Variants in NLRP5 observed in about 807,000 individuals in gnomAD.
NLRP5 encodes NACHT, LRR and PYD domains-containing protein 5.
NLRP5 carries 93 observed loss-of-function variants against 113.1 expected under a neutral mutation model. The ratio of observed to expected loss-of-function variants is 0.82; its 90% CI spans 0.70 to 0.98. The LOEUF is 0.98. NLRP5 is among the 50% of genes least tolerant of loss of function. NLRP5 has a pLI of 0.00. For synonymous variants in NLRP5, 751 were observed against 600.7 expected, an observed-to-expected ratio of 1.25 and a Z score of -3.66; for missense variants, 1,808 against 1,514.3, an observed-to-expected ratio of 1.19 and a Z score of -3.22.
rs369054920 is a variant in NLRP5, at chr19:56,027,451, C to T, written c.1218C>T (p.Ile406=). Residue 406 remains isoleucine, a synonymous_variant, in exon 7 of 15, where the codon ATC becomes ATT. Transcript: ENST00000390649. Reference sequence around the variant, plus strand: ...TCCTGCTCCCTGAGTCCTTCCTGATCGTCACCGTCAGAGACGTGGGCACAG... The same window carrying T: ...TCCTGCTCCCTGAGTCCTTCCTGATTGTCACCGTCAGAGACGTGGGCACAG... 16 of 1,613,528 alleles carry T rather than the reference C, an allele frequency of 9.9e-6. No individual in the cohort carries two copies. The East Asian group carries it at 2.0e-4, about 20-fold the overall frequency.
At chr19:56,024,584 T>TACAG (rs1555766951) in intron 6 of NLRP5, among the ~76,000 whole-genome samples, 1 of 147,242 alleles carries the variant, frequency 6.8e-6, no homozygotes, top group Non-Finnish European at 1.5e-5. Context: ...TATATATACA[T>TACAG]ACACACACAC....
Position 55,999,902 on chromosome 19 carries a change from C to T in NLRP5, c.62+115C>T, listed in dbSNP as rs527516781. Reference sequence around the variant, plus strand: ...GTCTGCTGCAATGTTATTAGCAATCCGTTGCAGCAGAACACTCCCCGGGGT... The same window carrying T: ...GTCTGCTGCAATGTTATTAGCAATCTGTTGCAGCAGAACACTCCCCGGGGT... On this transcript the variant is annotated intron_variant, in intron 1 of 14. Transcript: ENST00000390649. The T allele has an allele frequency of 2.6e-4, 203 of 780,446 alleles. 1 individual carries two copies. The African/African-American group carries it at 2.8e-3, about 11-fold the overall frequency. 48.3% of individuals were successfully genotyped at this position (780,446 alleles called of 1,614,324 possible). A position where few individuals can be genotyped will look rare whatever the true frequency, so the allele number is the denominator to read the frequency against.
the NLRP5 span, among the ~76,000 whole-genome samples, chr19:55,990,595 G>C: frequency 6.6e-6 from 1 of 152,052 alleles, no homozygotes; most frequent in Admixed American, 6.6e-5. Context: ...GGGAGGCCCA[G>C]GCGGGTGGAT....
chr19:56,020,473 A>T (rs1037188974), intron 6 of NLRP5, 42 bp downstream of exon 6: 7 of 1,588,894 alleles, frequency 4.4e-6, no homozygotes, highest in Middle Eastern at 1.7e-4. Flanking sequence ...CTCCTGGAAG[A>T]AAGTTGGGTG....
chr19:56,010,751 A>AAAAAAAAAAAAAAAAAAAAAAAAAAAT (rs1438489823), intron 3 of NLRP5, among the ~76,000 whole-genome samples: 1 of 118,174 alleles, frequency 8.5e-6, no homozygotes, highest in Non-Finnish European at 1.9e-5. Context: ...TCAAAAAAAA[A>AAAAAAAAAAAAAAAAAAAAAAAAAAAT]AAAAGTCCCT....
intron 3 of NLRP5, among the ~76,000 whole-genome samples, chr19:56,013,708 G>A (rs1302596588): frequency 6.7e-6 from 1 of 150,184 alleles, no homozygotes; most frequent in East Asian, 2.0e-4. Flanking sequence ...AGGAGTGGAA[G>A]TGGTGGGTCA....
chr19:56,013,596 G>GTTTTT (rs71183002), intron 3 of NLRP5, among the ~76,000 whole-genome samples: 2,399 of 59,012 alleles, frequency 0.041, 358 homozygotes, highest in East Asian at 0.091. Flanking sequence ...GGACATTTGG[G>GTTTTT]TTTTTTTTTT....
At position 56,059,363 on chromosome 19, in the gene NLRP5, A is replaced by T. The variant is rs1204562933; in HGVS notation, c.3470+953A>T. 2.0e-5 allele frequency among the ~76,000 whole-genome samples: 3 copies of T among 152,180 alleles called. No homozygotes were observed. In the East Asian group the frequency reaches 5.8e-4, roughly 29 times the overall value. On this transcript the variant is annotated intron_variant, in intron 14 of 14. Transcript: ENST00000390649. ...ACTGATGTCTTCAGTGTTTAGTGGT[A>T]GAAAAAGCATTTGTCATTTAGGAGC...
chr19:55,995,932 T>C (rs1305477838), upstream of NLRP5, among the ~76,000 whole-genome samples: 1 of 152,202 alleles, frequency 6.6e-6, no homozygotes, highest in African/African-American at 2.4e-5. Context: ...ACTGAGTTCA[T>C]TTATTATATA....
At position 56,028,336 on chromosome 19, in the gene NLRP5, C is replaced by T. The variant is rs976014264; in HGVS notation, c.2103C>T (p.Arg701=). The stretch of plus-strand genomic sequence containing the variant: ...AGACTCAAGACAAAGAGTTTGTTCG[C>T]TTGGCATTAAACAGCTTCCAAGAAG... The change falls in exon 7 of 15, where the codon CGC becomes CGT. Residue 701 remains arginine (R), a synonymous_variant. Coordinates refer to ENST00000390649, the MANE Select transcript of NLRP5 (RefSeq NM_153447.4). The T allele has an allele frequency of 1.9e-6, 3 of 1,613,862 alleles. No individual in the cohort carries two copies. Among genetic ancestry groups the T allele is most frequent in the Non-Finnish European group, 2.5e-6 (3 of 1,179,892 alleles).
intron 2 of NLRP5, 135 bp from the exon 3 acceptor site, chr19:56,008,653 A>G (rs560611213): frequency 1.1e-4 from 83 of 746,706 alleles, no homozygotes; most frequent in African/African-American, 1.0e-3. Flanking sequence ...TTATAGGCCA[A>G]TCATGGAATA....
chr19:56,010,777 C>CCA (rs906099065), intron 3 of NLRP5, among the ~76,000 whole-genome samples: 1 of 79,772 alleles, frequency 1.3e-5, no homozygotes, highest in African/African-American at 4.4e-5. Flanking sequence ...CTAAGCCAAC[C>CCA]CAATAAATGC....
In NLRP5 at chr19:56,005,488, C is replaced by T. The variant is rs548757046; in HGVS notation, c.442+1393C>T. 1.8e-4 allele frequency among the ~76,000 whole-genome samples: 27 copies of T among 149,314 alleles called. 1 individual carries two copies. The South Asian group carries it at 3.6e-3, about 20-fold the overall frequency. The stretch of plus-strand genomic sequence containing the variant: ...ACACACATATTTATACACACACACA[C>T]GCAGGTGGCATGCCTGTACACATAT... On this transcript the variant is annotated intron_variant, in intron 2 of 14. Coordinates refer to ENST00000390649, the MANE Select transcript of NLRP5 (RefSeq NM_153447.4).
intron 2 of NLRP5, among the ~76,000 whole-genome samples, chr19:56,006,943 G>T (rs2123273747): frequency 6.6e-6 from 1 of 151,156 alleles, no homozygotes; most frequent in East Asian, 2.0e-4. Flanking sequence ...GTTTCACCTT[G>T]TTAGCCAGGA....
chr19:56,035,378 A>G (rs915875587), intron 9 of NLRP5, among the ~76,000 whole-genome samples: 4 of 152,224 alleles, frequency 2.6e-5, no homozygotes, highest in Non-Finnish European at 5.9e-5. Context: ...AATTAGCCAA[A>G]GCATAAATGT....
At position 56,024,424 on chromosome 19, in the gene NLRP5, T is replaced by C. The variant is rs187145431; in HGVS notation, c.680-2489T>C. Among the ~76,000 whole-genome samples the C allele has an allele frequency of 4.1e-3, 587 of 141,836 alleles. 6 individuals carry two copies. The highest frequency in any genetic ancestry group is 0.015 in the African/African-American group (562 of 37,788). The allele number at this position is 141,836 out of a possible 152,430, so 93.0% of individuals were successfully genotyped here. A position where few individuals can be genotyped will look rare whatever the true frequency, so the allele number is the denominator to read the frequency against. ...TATGTACATATATGTATATATGTTA[T>C]ATATACACATATACATATATTTATA... is the stretch of plus-strand genomic sequence containing the variant. On this transcript the variant is annotated intron_variant, in intron 6 of 14. Coordinates refer to ENST00000390649, the MANE Select transcript of NLRP5 (RefSeq NM_153447.4).
At chr19:56,000,774 G>A (rs1021966237) in intron 1 of NLRP5, among the ~76,000 whole-genome samples, 28 of 151,378 alleles carry the variant, frequency 1.8e-4, no homozygotes, top group African/African-American at 5.1e-4. Context: ...TTGGGAGGCC[G>A]AGGCTGGTGG....
At chr19:56,051,281 G>A (rs906215452) in intron 12 of NLRP5, among the ~76,000 whole-genome samples, 2 of 152,066 alleles carry the variant, frequency 1.3e-5, no homozygotes, top group Admixed American at 6.6e-5. Context: ...CAACCTCCGC[G>A]TTCCAGGTTT....
intron 10 of NLRP5, among the ~76,000 whole-genome samples, chr19:56,038,777 G>A (rs557463110): frequency 6.6e-6 from 1 of 152,150 alleles, no homozygotes; most frequent in Non-Finnish European, 1.5e-5. Flanking sequence ...GGAAACGCAG[G>A]GGGCAGCAGT....
Sources: gnomAD v4.1 joint callset for allele counts (sites outside exome capture counted in the v4.1 genomes callset) on GRCh38, gnomAD v4.1.1 for gene constraint, MANE v1.5 for transcripts, NCBI Gene and HGNC (gene_info 2026-07-23, HGNC 2026-07-21) for gene names.